The following AMZ1 variants were observed in gnomAD, a reference collection of about 807,000 sequenced individuals.
AMZ1 encodes the protein archaemetzincin-1.
Under a neutral mutation model 29.9 loss-of-function variants are expected in AMZ1, and 39 were observed. The observed-to-expected ratio is 1.30, with a 90% CI of 1.01 to 1.70. AMZ1 has a LOEUF of 1.70. Among genes scored for constraint, AMZ1 ranks in the 40% most tolerant of loss-of-function variants. The pLI is 0.00. For missense variants in AMZ1, 1,041 were observed against 680.6 expected (o/e 1.53, Z -5.89); for synonymous variants, 458 against 304.0 (o/e 1.51, Z -5.27).
Position 2,718,948 on chromosome 7 carries a change from CATTT to C in AMZ1, c.*6074_*6077del, listed in dbSNP as rs1001511641. On this transcript the variant is annotated 3_prime_UTR_variant, in exon 7 of 7. Transcript: ENST00000683327. ...GGCAGGGGTACAGGAGAGCTCCGGC[CATTT>C]ATTCCAAATGTATGAGCAGGAAGGA... Among the ~76,000 whole-genome samples, 1 of 151,828 alleles carries C rather than the reference CATTT, an allele frequency of 6.6e-6. No individual in the cohort carries two copies. Among genetic ancestry groups the C allele is most frequent in the Non-Finnish European group, 1.5e-5 (1 of 68,002 alleles).
At chr7:2,723,577 G>A (rs1236756751), downstream of AMZ1, among the ~76,000 whole-genome samples, 4 of 152,202 alleles carry the variant, frequency 2.6e-5, no homozygotes, top group African/African-American at 4.8e-5. Context: ...AGGAGGAGGG[G>A]TGCCACAGTC....
chr7:2,732,854 A>G (rs1789970323), intron 4 of AMZ1, among the ~76,000 whole-genome samples: 1 of 152,250 alleles, frequency 6.6e-6, no homozygotes, highest in Non-Finnish European at 1.5e-5. Flanking sequence ...GATCCTGACC[A>G]ATGGCAATGC....
At chr7:2,699,610 A>G (rs1280571727) in intron 1 of AMZ1, among the ~76,000 whole-genome samples, 2 of 151,648 alleles carry the variant, frequency 1.3e-5, no homozygotes, top group Non-Finnish European at 2.9e-5. Context: ...AGCTGCCGTG[A>G]TGGGAGTTCT....
chr7:2,728,027 A>AATT lies in AMZ1; in HGVS notation n.550+18213_550+18215dup, dbSNP rs1183448416. 2.6e-5 allele frequency: 4 copies of AATT among 151,824 alleles called. No individual in the cohort carries two copies. The South Asian group carries it at 6.2e-4, about 24-fold the overall frequency. The allele number at this position is 151,824 out of a possible 1,614,324, so 9.4% of individuals were successfully genotyped here. On this transcript the variant is annotated intron_variant and non_coding_transcript_variant, in intron 4 of 4. Coordinates refer to the AMZ1 transcript ENST00000489665. ...GTCTCAAAAAAAAAAAAAAAAAAAA[A>AATT]ATTAGGATGAGAGTGATCTGCTGTG...
chr7:2,703,510 G>A (rs1788181707), intron 3 of AMZ1, among the ~76,000 whole-genome samples: 1 of 99,708 alleles, frequency 1.0e-5, no homozygotes. Flanking sequence ...CTTTACACGT[G>A]CCTAGATCTC....
At chr7:2,710,731 A>G (rs1357989017) in intron 6 of AMZ1, among the ~76,000 whole-genome samples, 1 of 152,222 alleles carries the variant, frequency 6.6e-6, no homozygotes, top group Non-Finnish European at 1.5e-5. Context: ...GCACAGAGGA[A>G]ACAGCTTTTC....
intron 4 of AMZ1, chr7:2,730,846 C>A: frequency 3.7e-6 from 1 of 269,046 alleles, no homozygotes; most frequent in Non-Finnish European, 6.9e-6. Flanking sequence ...CATACACACA[C>A]AACACGGTCC....
At chr7:2,686,809 G>T (rs1787095951), upstream of AMZ1, among the ~76,000 whole-genome samples, 1 of 151,738 alleles carries the variant, frequency 6.6e-6, no homozygotes, top group Non-Finnish European at 1.5e-5. Flanking sequence ...CCGCCTCCCG[G>T]GTTCAAGTGA....
At chr7:2,683,023 A>G (rs528670884) in intron 1 of AMZ1, among the ~76,000 whole-genome samples, 2 of 152,326 alleles carry the variant, frequency 1.3e-5, no homozygotes, top group East Asian at 3.9e-4. Context: ...TGAGCTGCAG[A>G]GAGGCCAAGC....
intron 4 of AMZ1, among the ~76,000 whole-genome samples, chr7:2,748,928 C>T (rs1450135572): frequency 6.6e-6 from 1 of 152,188 alleles, no homozygotes; most frequent in Non-Finnish European, 1.5e-5. Context: ...CATCACTGGC[C>T]ATCAGAGAAA....
intron 6 of AMZ1, 123 bp from the exon 7 acceptor site, chr7:2,712,207 T>G: frequency 9.3e-7 from 1 of 1,073,416 alleles, no homozygotes; most frequent in Non-Finnish European, 1.3e-6. Context: ...ACCACCAGCC[T>G]GACTCCCGCC....
At chr7:2,705,159 A>G (rs989155652) in intron 3 of AMZ1, among the ~76,000 whole-genome samples, 1 of 152,226 alleles carries the variant, frequency 6.6e-6, no homozygotes, top group Non-Finnish European at 1.5e-5. Flanking sequence ...GTTTTTCACC[A>G]TAGAGGATTT....
intron 4 of AMZ1, among the ~76,000 whole-genome samples, chr7:2,750,398 G>A (rs1790975216): frequency 6.6e-6 from 1 of 152,210 alleles, no homozygotes; most frequent in African/African-American, 2.4e-5. Context: ...AAATACTGGA[G>A]TCCCCTCCTT....
chr7:2,752,552 G>A (rs955895180), intron 4 of AMZ1, among the ~76,000 whole-genome samples: 2 of 152,072 alleles, frequency 1.3e-5, no homozygotes, highest in African/African-American at 4.8e-5. Flanking sequence ...AAAATCCTAA[G>A]GAAGCTATAA....
intron 4 of AMZ1, among the ~76,000 whole-genome samples, chr7:2,756,957 C>A (rs575725739): frequency 6.6e-6 from 1 of 151,936 alleles, no homozygotes; most frequent in Non-Finnish European, 1.5e-5. Context: ...GCCTGTAGTT[C>A]CAGCTACTCA....
intron 1 of AMZ1, among the ~76,000 whole-genome samples, chr7:2,696,889 C>CACA (rs546996729): frequency 6.6e-6 from 1 of 151,610 alleles, no homozygotes; most frequent in African/African-American, 2.4e-5. Flanking sequence ...GTCTCAAAAA[C>CACA]AAAAAACAAA....
chr7:2,722,298 A>G (rs893314323), downstream of AMZ1, among the ~76,000 whole-genome samples: 1 of 149,484 alleles, frequency 6.7e-6, no homozygotes, highest in African/African-American at 2.5e-5. Context: ...TTTGAGACAG[A>G]CTCTCGCTCT....
intron 6 of AMZ1, among the ~76,000 whole-genome samples, chr7:2,711,998 G>A (rs1226425085): frequency 2.0e-5 from 3 of 152,180 alleles, no homozygotes; most frequent in African/African-American, 7.2e-5. Flanking sequence ...AGTGAGCTGA[G>A]ATCGCAGCAC....
intron 1 of AMZ1, among the ~76,000 whole-genome samples, chr7:2,694,615 A>G (rs1265966611): frequency 1.3e-5 from 2 of 151,542 alleles, no homozygotes; most frequent in Non-Finnish European, 2.9e-5. Context: ...TACATGTGAG[A>G]TTATATTACA....
Sources: allele counts gnomAD v4.1 joint callset (sites outside exome capture counted in the v4.1 genomes callset), GRCh38; gene constraint gnomAD v4.1.1; transcripts MANE v1.5; gene names NCBI Gene and HGNC (gene_info 2026-07-23, HGNC 2026-07-21).